PAPPA: variants seen among roughly 807,000 people sequenced by gnomAD.
PAPPA encodes the protein pappalysin 1.
In PAPPA, 60 loss-of-function variants were observed where a neutral mutation model predicts 164.0. The observed-to-expected ratio is 0.37, with a 90% CI of 0.30 to 0.45. The LOEUF (loss-of-function observed/expected upper bound fraction) is 0.45, where lower values mean the gene tolerates loss of function less well. Ranked by LOEUF, PAPPA falls within the 20% of genes least tolerant of loss-of-function variation. The pLI is 1.00. For synonymous variants in PAPPA, 875 were observed against 814.1 expected, an observed-to-expected ratio of 1.07 and a Z score of -1.27; for missense variants, 1,782 against 2,087.3, an observed-to-expected ratio of 0.85 and a Z score of 2.85.
chr9:116,209,378 C>T (rs1223868672), intron 3 of PAPPA, among the ~76,000 whole-genome samples: 1 of 152,130 alleles, frequency 6.6e-6, no homozygotes, highest in African/African-American at 2.4e-5. Context: ...CCAGAAGACC[C>T]TAAGGATCCT....
intron 15 of PAPPA, among the ~76,000 whole-genome samples, chr9:116,352,389 A>C (rs1846294298): frequency 6.6e-6 from 1 of 152,136 alleles, no homozygotes; most frequent in Non-Finnish European, 1.5e-5. Flanking sequence ...CCCATTTGTA[A>C]AGTAAGAAAA....
At chr9:116,290,676 CTT>C (rs935482176) in intron 9 of PAPPA, among the ~76,000 whole-genome samples, 1 of 151,784 alleles carries the variant, frequency 6.6e-6, no homozygotes. Context: ...CTCTCTCTCT[CTT>C]TCTTTCTTCC....
At chr9:116,226,052 G>C (rs1844503711) in intron 5 of PAPPA, among the ~76,000 whole-genome samples, 1 of 152,188 alleles carries the variant, frequency 6.6e-6, no homozygotes, top group Non-Finnish European at 1.5e-5. Flanking sequence ...AGGTGAACTT[G>C]AAGGAGGAGA....
chr9:116,193,352 G>A (rs573558920), intron 2 of PAPPA, among the ~76,000 whole-genome samples: 155 of 151,910 alleles, frequency 1.0e-3, no homozygotes, highest in Non-Finnish European at 1.9e-3. Flanking sequence ...CTCTGGGTGG[G>A]GTTTCCTACT....
At chr9:116,395,217 A>G (rs1210196690) in intron 21 of PAPPA, among the ~76,000 whole-genome samples, 1 of 152,204 alleles carries the variant, frequency 6.6e-6, no homozygotes, top group Non-Finnish European at 1.5e-5. Flanking sequence ...TGGGGCATAT[A>G]CTTAAATCTT....
At chr9:116,268,555 G>T (rs1845098685) in intron 8 of PAPPA, among the ~76,000 whole-genome samples, 1 of 152,010 alleles carries the variant, frequency 6.6e-6, no homozygotes. Context: ...TAAGTCATCA[G>T]ATTTGGAGCC....
At chr9:116,216,153 AAGAC>A (rs1564187071) in intron 4 of PAPPA, among the ~76,000 whole-genome samples, 5 of 152,118 alleles carry the variant, frequency 3.3e-5, no homozygotes, top group African/African-American at 4.8e-5. Flanking sequence ...AAACATCAAA[AAGAC>A]AGAGAGTTTC....
intron 4 of PAPPA, among the ~76,000 whole-genome samples, chr9:116,218,767 C>T (rs1266177632): frequency 5.3e-5 from 8 of 152,128 alleles, no homozygotes. Context: ...AGAAGCATGG[C>T]CTTGAAGTCA....
At chr9:116,191,657 T>A (rs911875456) in intron 2 of PAPPA, among the ~76,000 whole-genome samples, 1 of 152,102 alleles carries the variant, frequency 6.6e-6, no homozygotes, top group Non-Finnish European at 1.5e-5. Flanking sequence ...AAAGCAGAGA[T>A]TTATTTGACT....
chr9:116,385,539 C>T (rs1050464896), intron 21 of PAPPA, among the ~76,000 whole-genome samples: 1 of 152,162 alleles, frequency 6.6e-6, no homozygotes, highest in Non-Finnish European at 1.5e-5. Context: ...AGTTCCAGTG[C>T]AGCAATTTCA....
chr9:116,368,912 T>G (rs948639531), intron 19 of PAPPA, among the ~76,000 whole-genome samples: 1 of 152,084 alleles, frequency 6.6e-6, no homozygotes, highest in Non-Finnish European at 1.5e-5. Flanking sequence ...GCACTCCGAG[T>G]GTATAGACCT....
intron 16 of PAPPA, 93 bp downstream of exon 16, chr9:116,353,009 T>C (rs1031183632): frequency 2.4e-5 from 21 of 876,112 alleles, no homozygotes; most frequent in Non-Finnish European, 4.0e-5. Context: ...ATTTCTTCAC[T>C]GGAGGTAATG....
chr9:116,340,847 A>G (rs1427072210), intron 13 of PAPPA, among the ~76,000 whole-genome samples: 1 of 152,106 alleles, frequency 6.6e-6, no homozygotes, highest in Non-Finnish European at 1.5e-5. Context: ...TGCTACCCCT[A>G]CTGATCTGAC....
At chr9:116,377,196 AAACACACACATGCG>A (rs993871199) in intron 19 of PAPPA, among the ~76,000 whole-genome samples, 25 of 150,414 alleles carry the variant, frequency 1.7e-4, no homozygotes, top group Non-Finnish European at 2.6e-4. Flanking sequence ...ACACACATGC[AAACACACACATGCG>A]CACACACACA....
chr9:116,202,542 T>C (rs1424640359), intron 2 of PAPPA, among the ~76,000 whole-genome samples: 9 of 152,112 alleles, frequency 5.9e-5, no homozygotes, highest in African/African-American at 2.2e-4. Flanking sequence ...GCAATCTCAA[T>C]AGTGGGATCC....
At chr9:116,213,953 A>T (rs1844340689) in intron 4 of PAPPA, among the ~76,000 whole-genome samples, 1 of 152,218 alleles carries the variant, frequency 6.6e-6, no homozygotes, top group Non-Finnish European at 1.5e-5. Flanking sequence ...AGCTCTCTCC[A>T]TCAAGATAAT....
intron 19 of PAPPA, among the ~76,000 whole-genome samples, chr9:116,371,010 C>A (rs1846565865): frequency 6.6e-6 from 1 of 152,144 alleles, no homozygotes; most frequent in Non-Finnish European, 1.5e-5. Context: ...CACAGTTTAC[C>A]CAGTTGTGAA....
intron 4 of PAPPA, among the ~76,000 whole-genome samples, chr9:116,213,473 A>G (rs112167198): frequency 5.9e-5 from 9 of 152,122 alleles, no homozygotes; most frequent in African/African-American, 2.2e-4. Context: ...CTGGGCTCCC[A>G]TTCCCAGCCA....
chr9:116,352,926 G>A lies in PAPPA; in HGVS notation c.4175+10G>A, dbSNP rs761655418. 1 of 1,607,150 alleles carries A rather than the reference G, an allele frequency of 6.2e-7. No homozygotes were observed. The highest frequency in any genetic ancestry group is 8.5e-7 in the Non-Finnish European group (1 of 1,174,134). On this transcript the variant is annotated intron_variant, in intron 16 of 21. Coordinates refer to ENST00000328252, the MANE Select transcript of PAPPA (RefSeq NM_002581.5). ...CTCGGAAGTCAAAGAAGTAAGTGGG[G>A]TTGGAAATGCAAACTTATGGTCTCT...
Sources: gnomAD v4.1 joint callset for allele counts (sites outside exome capture counted in the v4.1 genomes callset) on GRCh38, gnomAD v4.1.1 for gene constraint, MANE v1.5 for transcripts, NCBI Gene and HGNC (gene_info 2026-07-23, HGNC 2026-07-21) for gene names.